Variants in CEPT1 observed in about 807,000 individuals in gnomAD.
CEPT1 encodes the protein choline/ethanolaminephosphotransferase 1.
In CEPT1, 7 loss-of-function variants were observed where a neutral mutation model predicts 42.6. The ratio of observed to expected loss-of-function variants is 0.16; its 90% confidence interval spans 0.09 to 0.31. The LOEUF is 0.31. Ranked by LOEUF, CEPT1 falls within the 10% of genes least tolerant of loss-of-function variation. The pLI, the probability that CEPT1 is intolerant of heterozygous loss-of-function variation, is 1.00. For synonymous variants in CEPT1, 171 were observed against 171.9 expected (o/e 0.99, Z 0.04); for missense variants, 306 against 502.1 (o/e 0.61, Z 3.73).
At chr1:111,164,263 A>G (rs951159953) in intron 4 of CEPT1, among the ~76,000 whole-genome samples, 3 of 152,340 alleles carry the variant, frequency 2.0e-5, no homozygotes, top group Non-Finnish European at 4.4e-5. Context: ...TACGTCTTCC[A>G]GCAGTTTGCT....
At position 111,185,038 on chromosome 1, in the gene CEPT1, T is replaced by A. The variant is rs1449012078; in HGVS notation, c.*728T>A. The A allele has an allele frequency of 1.3e-5, 2 of 152,534 alleles. No individual in the cohort carries two copies. The highest frequency in any genetic ancestry group is 4.8e-5 in the African/African-American group (2 of 41,416). The allele number at this position is 152,534 out of a possible 1,614,324, so 9.4% of individuals were successfully genotyped here. Reference sequence around the variant, plus strand: ...GGAAAGATAAACTAAGTTTTAATGTTATTTTTTTAAATTTAAGCAAAATTT... The same window carrying A: ...GGAAAGATAAACTAAGTTTTAATGTAATTTTTTTAAATTTAAGCAAAATTT... On this transcript the variant is annotated 3_prime_UTR_variant, in exon 9 of 9. Transcript: ENST00000357172.
At chr1:111,147,025 C>T (rs1209154946) in intron 1 of CEPT1, among the ~76,000 whole-genome samples, 1 of 152,188 alleles carries the variant, frequency 6.6e-6, no homozygotes. Context: ...TTGAATGCTA[C>T]TTACCAGCTG....
rs1014696548 is a variant in CEPT1, at chr1:111,159,104, G to A, written c.340-276G>A. Reference sequence around the variant, plus strand: ...AATTTTTTGTATTTTTAGTAGAGACGGGGTTTCACCGTTTTTTAGCCGGGA... The same window carrying A: ...AATTTTTTGTATTTTTAGTAGAGACAGGGTTTCACCGTTTTTTAGCCGGGA... On this transcript the variant is annotated intron_variant, in intron 2 of 8. Transcript: ENST00000357172. 6.7e-5 allele frequency among the ~76,000 whole-genome samples: 10 copies of A among 149,792 alleles called. No homozygotes were observed. In the South Asian group the frequency reaches 8.4e-4, roughly 13 times the overall value.
chr1:111,150,131 A>AT (rs1655189486), intron 2 of CEPT1, among the ~76,000 whole-genome samples: 2 of 152,172 alleles, frequency 1.3e-5, no homozygotes, highest in African/African-American at 4.8e-5. Flanking sequence ...GCCTGGATGC[A>AT]TTTTTAGCTA....
chr1:111,160,867 A>G (rs1006191014), intron 3 of CEPT1: 1 of 412,234 alleles, frequency 2.4e-6, no homozygotes. Flanking sequence ...CATTAGTACT[A>G]GTGTCTCTAA....
chr1:111,140,731 A>T (rs1435342699), intron 1 of CEPT1: 1 of 152,296 alleles, frequency 6.6e-6, no homozygotes, highest in Non-Finnish European at 1.5e-5. Context: ...TGGCAAGTCC[A>T]CACACCGTGT....
At chr1:111,177,310 C>A (rs1021516809) in intron 5 of CEPT1, among the ~76,000 whole-genome samples, 7 of 152,118 alleles carry the variant, frequency 4.6e-5, no homozygotes, top group Non-Finnish European at 1.0e-4. Flanking sequence ...TCGTTTTTCC[C>A]TTGGGGATGC....
At chr1:111,156,177 T>C (rs912096794) in intron 2 of CEPT1, among the ~76,000 whole-genome samples, 1 of 152,222 alleles carries the variant, frequency 6.6e-6, no homozygotes, top group African/African-American at 2.4e-5. Flanking sequence ...CAGGAGCATG[T>C]TTGTTAATTT....
chr1:111,140,495 G>A (rs1654400161), intron 1 of CEPT1, 188 bp downstream of exon 1: 1 of 152,430 alleles, frequency 6.6e-6, no homozygotes. Context: ...GGGAGGCGAG[G>A]GGCGACTGCC....
chr1:111,140,651 C>G (rs952996011), intron 1 of CEPT1: 1 of 152,334 alleles, frequency 6.6e-6, no homozygotes, highest in Non-Finnish European at 1.5e-5. Context: ...CTGAGCGGGC[C>G]GAGGGCTGGG....
At chr1:111,144,020 T>TG (rs1372735505) in intron 1 of CEPT1, among the ~76,000 whole-genome samples, 1 of 152,252 alleles carries the variant, frequency 6.6e-6, no homozygotes, top group East Asian at 1.9e-4. Flanking sequence ...AATGAGCCAC[T>TG]GTTCCCAACA....
chr1:111,176,344 G>GTT (rs1432915820), intron 5 of CEPT1, among the ~76,000 whole-genome samples: 2 of 152,020 alleles, frequency 1.3e-5, no homozygotes, highest in South Asian at 2.1e-4. Flanking sequence ...GGAAATAATA[G>GTT]TTTTTGTTTT....
At chr1:111,182,519 TACAC>T in intron 6 of CEPT1, 1 of 604,812 alleles carries the variant, frequency 1.7e-6, no homozygotes, top group Non-Finnish European at 2.8e-6. Context: ...CTTTTATGCA[TACAC>T]ACACACAAAC....
intron 2 of CEPT1, among the ~76,000 whole-genome samples, chr1:111,156,439 C>G (rs936105219): frequency 2.6e-5 from 4 of 152,146 alleles, no homozygotes; most frequent in Non-Finnish European, 5.9e-5. Flanking sequence ...GTAGTGCACT[C>G]TAAGTTCAAT....
At chr1:111,148,918 C>G (rs1655118018) in intron 2 of CEPT1, among the ~76,000 whole-genome samples, 1 of 152,214 alleles carries the variant, frequency 6.6e-6, no homozygotes, top group Non-Finnish European at 1.5e-5. Context: ...TCTAACTAAA[C>G]ATTTCAGAGT....
intron 4 of CEPT1, among the ~76,000 whole-genome samples, chr1:111,171,207 A>G (rs1194118164): frequency 6.6e-6 from 1 of 152,182 alleles, no homozygotes; most frequent in African/African-American, 2.4e-5. Context: ...ACAAAAATGG[A>G]AACTTTCAAA....
At chr1:111,165,292 C>A (rs1008520236) in intron 4 of CEPT1, among the ~76,000 whole-genome samples, 2 of 151,856 alleles carry the variant, frequency 1.3e-5, no homozygotes, top group African/African-American at 4.8e-5. Context: ...TCGTGATCCG[C>A]CCGCCTTGGC....
At chr1:111,172,057 GCA>G (rs1253745844) in intron 4 of CEPT1, among the ~76,000 whole-genome samples, 1 of 152,194 alleles carries the variant, frequency 6.6e-6, no homozygotes, top group Admixed American at 6.5e-5. Context: ...TTTTAAAGCA[GCA>G]CCAGTCAAGA....
intron 4 of CEPT1, chr1:111,167,041 A>T: frequency 1.3e-6 from 1 of 750,424 alleles, no homozygotes; most frequent in Non-Finnish European, 1.6e-6. Context: ...TACCTGTGTT[A>T]GTAGGGCTCT....
Sources: gnomAD v4.1 joint callset for allele counts (sites outside exome capture counted in the v4.1 genomes callset) on GRCh38, gnomAD v4.1.1 for gene constraint, MANE v1.5 for transcripts, NCBI Gene and HGNC (gene_info 2026-07-23, HGNC 2026-07-21) for gene names.